SMG6: variants seen among roughly 807,000 people sequenced by gnomAD.
The protein encoded by SMG6 is telomerase-binding protein EST1A.
Under a neutral mutation model 142.2 loss-of-function variants are expected in SMG6, and 66 were observed. The ratio of observed to expected loss-of-function variants is 0.46; its 90% confidence interval spans 0.38 to 0.57. The LOEUF (loss-of-function observed/expected upper bound fraction) is 0.57. SMG6 is among the 20% of genes least tolerant of loss of function. SMG6 has a pLI of 0.00. For synonymous variants in SMG6, 779 were observed against 702.4 expected, an observed-to-expected ratio of 1.11 and a Z score of -1.72; for missense variants, 1,793 against 1,832.0, an observed-to-expected ratio of 0.98 and a Z score of 0.39.
chr17:2,283,007 C>A, intron 7 of SMG6, 148 bp from the exon 8 acceptor site: 1 of 696,360 alleles, frequency 1.4e-6, no homozygotes, highest in Non-Finnish European at 2.4e-6. Context: ...CCTGTCTCTA[C>A]TAAAAATACA....
At chr17:2,154,029 C>T (rs1440938605) in intron 13 of SMG6, among the ~76,000 whole-genome samples, 4 of 113,684 alleles carry the variant, frequency 3.5e-5, no homozygotes, top group African/African-American at 7.2e-5. Context: ...TAGAGTGTGA[C>T]GGTGACTGGG....
chr17:2,073,853 C>T (rs1427825663), intron 15 of SMG6, among the ~76,000 whole-genome samples: 4 of 151,404 alleles, frequency 2.6e-5, no homozygotes, highest in Non-Finnish European at 4.4e-5. Context: ...CAGAGGTAGG[C>T]GGATCACTTG....
At chr17:2,292,785 C>A in intron 5 of SMG6, 86 bp downstream of exon 5, 3 of 1,395,880 alleles carry the variant, frequency 2.1e-6, no homozygotes, top group Non-Finnish European at 3.1e-6. Context: ...GACACCTGTA[C>A]AACACCCACA....
intron 2 of SMG6, 36 bp from the exon 3 acceptor site, chr17:2,298,091 A>G: frequency 6.4e-7 from 1 of 1,555,304 alleles, no homozygotes; most frequent in Non-Finnish European, 8.6e-7. Flanking sequence ...AGCTCCAAAT[A>G]CACCACAGAA....
At chr17:2,292,160 T>C (rs900418234) in intron 6 of SMG6, among the ~76,000 whole-genome samples, 6 of 152,204 alleles carry the variant, frequency 3.9e-5, no homozygotes, top group Admixed American at 2.0e-4. Flanking sequence ...TCTGACTACT[T>C]AGAGGTAGGT....
intron 8 of SMG6, among the ~76,000 whole-genome samples, chr17:2,245,614 GCCTCA>G (rs1273025710): frequency 6.6e-6 from 1 of 152,128 alleles, no homozygotes; most frequent in Non-Finnish European, 1.5e-5. Flanking sequence ...CCAACTCCTG[GCCTCA>G]AGTGATCCAC....
chr17:2,240,595 G>C (rs749438149), intron 9 of SMG6, among the ~76,000 whole-genome samples: 2 of 152,150 alleles, frequency 1.3e-5, no homozygotes, highest in Non-Finnish European at 2.9e-5. Flanking sequence ...GCTCTGACTT[G>C]TTTACTCTCA....
At chr17:2,246,309 A>T (rs2073926132) in intron 8 of SMG6, among the ~76,000 whole-genome samples, 1 of 152,242 alleles carries the variant, frequency 6.6e-6, no homozygotes, top group African/African-American at 2.4e-5. Context: ...AGAAGTGAAG[A>T]ATCTTGACCC....
chr17:2,300,663 T>C lies in SMG6; in HGVS notation c.90A>G (p.Glu30=). The C allele has an allele frequency of 6.4e-7, 1 of 1,571,918 alleles. No homozygotes were observed. Among genetic ancestry groups the C allele is most frequent in the Non-Finnish European group, 8.6e-7 (1 of 1,163,030 alleles). The change falls in exon 2 of 19, where the codon GAA becomes GAG. Residue 30 remains glutamate, a splice_region_variant and synonymous_variant. Coordinates refer to ENST00000263073, the MANE Select transcript of SMG6 (RefSeq NM_017575.5). ...TGGCCTCCTTTAATTCCTTCATGTTTTCTGTTATGTCGGGGAAAGAGTTTG... is the reference window on the plus strand; with the variant it reads ...TGGCCTCCTTTAATTCCTTCATGTTCTCTGTTATGTCGGGGAAAGAGTTTG... ...ATLAPQAGSR[E]NMKELKEARP... is the part of the protein sequence containing the mutation.
intron 13 of SMG6, among the ~76,000 whole-genome samples, chr17:2,091,855 T>G (rs970703505): frequency 1.7e-4 from 25 of 143,222 alleles, no homozygotes; most frequent in Admixed American, 5.4e-4. Flanking sequence ...TGTGTGTGTG[T>G]TTTTTTTTAG....
intron 13 of SMG6, chr17:2,088,606 A>G: frequency 1.0e-6 from 1 of 985,402 alleles, no homozygotes; most frequent in Non-Finnish European, 1.2e-6. Flanking sequence ...ACCTGTTTGG[A>G]GAGAGAAAGG....
In SMG6 at chr17:2,298,010, A is replaced by G. The variant is rs752154925; in HGVS notation, c.1893T>C (p.Ile631=). ...QLYERCILLD[I]EFSDNQNVDQ... ...CCACATTCTGATTATCAGAGAACTC[A>G]ATATCTAATAGAATACAGCGCTCAT... Residue 631 remains isoleucine (I), a synonymous_variant, in exon 3 of 19, where the codon ATT becomes ATC. Coordinates refer to ENST00000263073, the MANE Select transcript of SMG6 (RefSeq NM_017575.5). The G allele has an allele frequency of 6.2e-7, 1 of 1,612,994 alleles. No homozygotes were observed. Among genetic ancestry groups the G allele is most frequent in the Non-Finnish European group, 8.5e-7 (1 of 1,179,980 alleles).
intron 8 of SMG6, among the ~76,000 whole-genome samples, chr17:2,268,515 G>C (rs1450304402): frequency 1.3e-5 from 2 of 152,162 alleles, no homozygotes; most frequent in Non-Finnish European, 2.9e-5. Context: ...ACTCATGCCT[G>C]TAATCCCAAC....
At chr17:2,175,311 G>C (rs1008010558) in intron 12 of SMG6, among the ~76,000 whole-genome samples, 1 of 152,214 alleles carries the variant, frequency 6.6e-6, no homozygotes, top group African/African-American at 2.4e-5. Context: ...TGCAGGTCAA[G>C]GCTGCTGCAG....
chr17:2,061,555 C>T lies in SMG6; in HGVS notation c.4197G>A (p.Ala1399=), dbSNP rs776762033. ...LTDDRNLRVK[A]LTRNVPVRDI... ...CCCGTACAGGAACATTCCTTGTGAG[C>T]GCCTTCACACGCAGGTTCCGGTCAT... Residue 1399 remains alanine (A), a synonymous_variant, in exon 19 of 19, where the codon GCG becomes GCA. Transcript: ENST00000263073. The T allele has an allele frequency of 1.3e-5, 21 of 1,571,862 alleles. No homozygotes were observed. The highest frequency in any genetic ancestry group is 5.4e-5 in the African/African-American group (4 of 73,846).
At chr17:2,236,880 T>A in intron 9 of SMG6, 1 of 1,197,708 alleles carries the variant, frequency 8.3e-7, no homozygotes, top group East Asian at 3.8e-5. Flanking sequence ...AAGTTTTGGA[T>A]AAATCACTAT....
At chr17:2,198,586 G>A (rs2072407754) in intron 10 of SMG6, among the ~76,000 whole-genome samples, 1 of 152,120 alleles carries the variant, frequency 6.6e-6, no homozygotes, top group South Asian at 2.1e-4. Context: ...TGAAAAATGG[G>A]GAAGGACGGG....
chr17:2,162,726 C>T (rs975702809), intron 13 of SMG6, among the ~76,000 whole-genome samples: 2 of 152,114 alleles, frequency 1.3e-5, no homozygotes, highest in African/African-American at 2.4e-5. Flanking sequence ...TACCTATCAG[C>T]CATCCTTCTA....
rs143138811 is a variant in SMG6, at chr17:2,293,220, G to A, written c.2152-243C>T. Among the ~76,000 whole-genome samples the A allele has an allele frequency of 3.1e-3, 478 of 152,230 alleles. 2 individuals are homozygous for A. The highest frequency in any genetic ancestry group is 3.2e-3 in the Non-Finnish European group (219 of 68,012). On this transcript the variant is annotated intron_variant, in intron 4 of 18. Coordinates refer to ENST00000263073, the MANE Select transcript of SMG6 (RefSeq NM_017575.5). Reference sequence around the variant, plus strand: ...GTGATACAAAATTTAGTGAGAAAGAGAGAGGGTGATTCTTGAGTCCCAGGC... The same window carrying A: ...GTGATACAAAATTTAGTGAGAAAGAAAGAGGGTGATTCTTGAGTCCCAGGC...
Sources: allele counts gnomAD v4.1 joint callset (sites outside exome capture counted in the v4.1 genomes callset), GRCh38; gene constraint gnomAD v4.1.1; transcripts MANE v1.5; gene names NCBI Gene and HGNC (gene_info 2026-07-23, HGNC 2026-07-21).